SSBP3: variants seen among roughly 807,000 people sequenced by gnomAD.
The protein encoded by SSBP3 is single stranded DNA binding protein 3.
In SSBP3, 5 loss-of-function variants were observed where a neutral mutation model predicts 69.6. The observed-to-expected ratio is 0.07, with a 90% confidence interval of 0.04 to 0.15. SSBP3 has a LOEUF of 0.15. Among genes scored for constraint, SSBP3 ranks in the 10% least tolerant of loss-of-function variants. The pLI is 1.00. For synonymous variants in SSBP3, 196 were observed against 193.4 expected (o/e 1.01, Z -0.11); for missense variants, 312 against 534.0 (o/e 0.58, Z 4.10).
intron 5 of SSBP3, among the ~76,000 whole-genome samples, chr1:54,269,719 AT>A (rs1645161183): frequency 6.6e-6 from 1 of 152,190 alleles, no homozygotes; most frequent in Admixed American, 6.5e-5. Context: ...CAGCAGACTG[AT>A]GGAGGGGCAG....
At chr1:54,364,778 C>G (rs1051761944) in intron 4 of SSBP3, among the ~76,000 whole-genome samples, 1 of 152,214 alleles carries the variant, frequency 6.6e-6, no homozygotes, top group Non-Finnish European at 1.5e-5. Context: ...TATGGCCACT[C>G]CTCCTCTCAG....
At chr1:54,372,184 G>A (rs1214945955) in intron 4 of SSBP3, among the ~76,000 whole-genome samples, 4 of 152,148 alleles carry the variant, frequency 2.6e-5, no homozygotes, top group South Asian at 2.1e-4. Flanking sequence ...TCCCTTCTCT[G>A]TGGCTCAGTT....
chr1:54,260,662 C>G (rs1045466315), intron 5 of SSBP3, among the ~76,000 whole-genome samples: 1 of 152,192 alleles, frequency 6.6e-6, no homozygotes, highest in Non-Finnish European at 1.5e-5. Flanking sequence ...CTTGGCGCAG[C>G]TGCCTCAAGA....
chr1:54,404,811 G>GGGC (rs1557598495), intron 2 of SSBP3, 47 bp downstream of exon 2: 3 of 990,834 alleles, frequency 3.0e-6, no homozygotes, highest in Non-Finnish European at 4.5e-6. Context: ...AGAATAGTGG[G>GGGC]GGGGGGGGGT....
At chr1:54,377,839 G>A (rs971982671) in intron 4 of SSBP3, among the ~76,000 whole-genome samples, 1 of 152,070 alleles carries the variant, frequency 6.6e-6, no homozygotes, top group Non-Finnish European at 1.5e-5. Flanking sequence ...TGAAGACCTA[G>A]AATAAAATAT....
chr1:54,378,006 G>A (rs868502316), intron 4 of SSBP3, among the ~76,000 whole-genome samples: 1 of 151,958 alleles, frequency 6.6e-6, no homozygotes, highest in Non-Finnish European at 1.5e-5. Flanking sequence ...AATTCTGCTC[G>A]GCCTCAACAC....
In SSBP3 at chr1:54,299,159, T is replaced by C. The variant is rs554710702; in HGVS notation, c.277-17632A>G. Among the ~76,000 whole-genome samples the C allele has an allele frequency of 9.2e-5, 14 of 152,078 alleles. No homozygotes were observed. The East Asian group carries it at 2.7e-3, about 30-fold the overall frequency. ...AGGTTGCAGGCCAGGCTAGCATAGATGCCCTGTCCAAGGGAGATGTTAAGG... is the reference window on the plus strand; with the variant it reads ...AGGTTGCAGGCCAGGCTAGCATAGACGCCCTGTCCAAGGGAGATGTTAAGG... On this transcript the variant is annotated intron_variant, in intron 4 of 17. Transcript: ENST00000610401.
intron 9 of SSBP3, among the ~76,000 whole-genome samples, chr1:54,248,991 G>A (rs1044345260): frequency 6.6e-6 from 1 of 152,164 alleles, no homozygotes; most frequent in Non-Finnish European, 1.5e-5. Flanking sequence ...TAGGGTCTAA[G>A]GGGAGCTCTA....
At chr1:54,273,307 C>T (rs532047752) in intron 5 of SSBP3, among the ~76,000 whole-genome samples, 4 of 152,376 alleles carry the variant, frequency 2.6e-5, no homozygotes, top group African/African-American at 9.6e-5. Context: ...CAGACACAAA[C>T]ATATCCACAT....
At chr1:54,288,591 G>C (rs1002499669) in intron 4 of SSBP3, among the ~76,000 whole-genome samples, 6 of 142,964 alleles carry the variant, frequency 4.2e-5, no homozygotes, top group East Asian at 2.7e-4. Flanking sequence ...AGGGGTGGGG[G>C]GGGGGAGGGT....
rs1401386502 is a variant in SSBP3 at position 54,249,730 on chromosome 1, T to C, written c.651+1886A>G. On this transcript the variant is annotated intron_variant, in intron 9 of 17. Coordinates refer to ENST00000610401, the Ensembl canonical transcript of SSBP3. ...TTAAAAAATTTAAAAAAACTTTTAA[T>C]AAAAAATATTTTAACTTTTAAAAAA... Among the ~76,000 whole-genome samples the C allele has an allele frequency of 2.5e-4, 38 of 149,060 alleles. No homozygotes were observed. In the South Asian group the frequency reaches 5.9e-3, roughly 23 times the overall value.
At chr1:54,273,891 TG>T (rs1645239465) in intron 5 of SSBP3, among the ~76,000 whole-genome samples, 1 of 152,204 alleles carries the variant, frequency 6.6e-6, no homozygotes, top group Non-Finnish European at 1.5e-5. Context: ...GGAAGAGCAG[TG>T]GTTCCCCACC....
intron 4 of SSBP3, among the ~76,000 whole-genome samples, chr1:54,358,733 G>C (rs554307810): frequency 6.6e-6 from 1 of 152,188 alleles, no homozygotes; most frequent in Non-Finnish European, 1.5e-5. Flanking sequence ...CAAGTGGGGA[G>C]GGCATCCCAG....
At chr1:54,230,128 G>A (rs1040327186) in intron 14 of SSBP3, among the ~76,000 whole-genome samples, 8 of 152,188 alleles carry the variant, frequency 5.3e-5, no homozygotes, top group Non-Finnish European at 1.2e-4. Flanking sequence ...AAGGGGTAAG[G>A]CTGTGACCAG....
intron 4 of SSBP3, among the ~76,000 whole-genome samples, chr1:54,382,274 T>G (rs1647712431): frequency 6.6e-6 from 1 of 152,234 alleles, no homozygotes; most frequent in Non-Finnish European, 1.5e-5. Context: ...AGGGTCTCAC[T>G]ATGTTGCCCA....
chr1:54,366,865 G>C (rs1400511523), intron 4 of SSBP3, among the ~76,000 whole-genome samples: 3 of 152,158 alleles, frequency 2.0e-5, no homozygotes, highest in African/African-American at 7.2e-5. Context: ...TGGACCGAAA[G>C]CTTGGTAAGA....
At chr1:54,327,462 C>G (rs909494730) in intron 4 of SSBP3, among the ~76,000 whole-genome samples, 4 of 152,154 alleles carry the variant, frequency 2.6e-5, no homozygotes, top group South Asian at 4.1e-4. Context: ...TCCTGACAGC[C>G]ATCAATCACT....
chr1:54,307,908 G>A (rs6698260), intron 4 of SSBP3, among the ~76,000 whole-genome samples: 6 of 150,594 alleles, frequency 4.0e-5, no homozygotes, highest in African/African-American at 1.0e-4. Flanking sequence ...AGCAGCCCTC[G>A]GGGCTGCTCT....
At chr1:54,352,521 C>T (rs1266537622) in intron 4 of SSBP3, among the ~76,000 whole-genome samples, 5 of 152,182 alleles carry the variant, frequency 3.3e-5, no homozygotes, top group African/African-American at 1.2e-4. Context: ...CCCTTCCTCC[C>T]CTGCCTTCAC....
Sources: allele counts gnomAD v4.1 joint callset (sites outside exome capture counted in the v4.1 genomes callset), GRCh38; gene constraint gnomAD v4.1.1; transcripts MANE v1.5; gene names NCBI Gene and HGNC (gene_info 2026-07-23, HGNC 2026-07-21).